The following CCDC33 variants were observed in gnomAD, a reference collection of about 807,000 sequenced individuals.
CCDC33 encodes coiled-coil domain-containing protein 33.
In CCDC33, 94 loss-of-function variants were observed where a neutral mutation model predicts 91.9. The ratio of observed to expected loss-of-function variants is 1.02; its 90% CI spans 0.87 to 1.21. CCDC33 has a LOEUF of 1.21. CCDC33 is among the 50% of genes most tolerant of loss of function. The pLI is 0.00. For synonymous variants in CCDC33, 396 were observed against 374.5 expected (o/e 1.06, Z -0.66); for missense variants, 940 against 935.5 (o/e 1.00, Z -0.06).
upstream of CCDC33, among the ~76,000 whole-genome samples, chr15:74,214,081 G>A (rs140090446): frequency 0.016 from 2,364 of 152,124 alleles, 60 homozygotes; most frequent in African/African-American, 0.054. Context: ...GGGAGTTGGA[G>A]GTGGATCGTT....
At chr15:74,254,310 C>T (rs1407781490) in intron 2 of CCDC33, among the ~76,000 whole-genome samples, 12 of 152,228 alleles carry the variant, frequency 7.9e-5, no homozygotes, top group Admixed American at 3.9e-4. Flanking sequence ...GGATTACAGG[C>T]GTGAGCCACT....
intron 11 of CCDC33, among the ~76,000 whole-genome samples, chr15:74,324,065 A>G (rs2060259275): frequency 7.2e-6 from 1 of 139,264 alleles, no homozygotes; most frequent in African/African-American, 2.7e-5. Context: ...ACTCCAGCCT[A>G]GGCAATAGAA....
upstream of CCDC33, among the ~76,000 whole-genome samples, chr15:74,216,146 A>G (rs1486547575): frequency 2.0e-5 from 3 of 152,122 alleles, no homozygotes; most frequent in Non-Finnish European, 4.4e-5. Flanking sequence ...TGAGTCACTA[A>G]GCTCCAAGAC....
chr15:74,270,952 G>GGC (rs2076298565), intron 5 of CCDC33, among the ~76,000 whole-genome samples: 5 of 152,184 alleles, frequency 3.3e-5, no homozygotes, highest in Non-Finnish European at 7.4e-5. Context: ...GGGGGTGACA[G>GGC]AGGACTGAGG....
intron 2 of CCDC33, among the ~76,000 whole-genome samples, chr15:74,223,769 A>G (rs797019950): frequency 0.028 from 1,348 of 48,362 alleles, 24 homozygotes; most frequent in African/African-American, 0.088. Flanking sequence ...CACACACGCA[A>G]GCATGCACAC....
At chr15:74,335,805 C>G in intron 18 of CCDC33, 120 bp from the exon 19 acceptor site, 2 of 767,884 alleles carry the variant, frequency 2.6e-6, no homozygotes, top group Non-Finnish European at 2.2e-6. Context: ...AAATCTTTGC[C>G]AGGTCATGGC....
intron 1 of CCDC33, chr15:74,209,154 G>C: frequency 7.7e-7 from 1 of 1,298,656 alleles, no homozygotes; most frequent in South Asian, 1.9e-5. Context: ...CTCCAGCTCA[G>C]GCACAGAGCA....
At position 74,218,814 on chromosome 15, in the gene CCDC33, C is replaced by G; in HGVS notation, c.628C>G (p.Pro210Ala). 1 of 1,279,562 alleles carries G rather than the reference C, an allele frequency of 7.8e-7. No homozygotes were observed. The highest frequency in any genetic ancestry group is 1.0e-6 in the Non-Finnish European group (1 of 983,256). The allele number at this position is 1,279,562 out of a possible 1,614,324, so 79.3% of individuals were successfully genotyped here. A position where few individuals can be genotyped will look rare whatever the true frequency, so the allele number is the denominator to read the frequency against. The stretch of plus-strand genomic sequence containing the variant: ...AGACAGCCCTCCCAGGGCTGGCCAG[C>G]CAGAACTGATGTCACCATGCCCAGA... The change falls in exon 2 of 3, where the codon CCA becomes GCA. Residue 210 changes from proline (P) to alanine (A), a missense_variant. Transcript: ENST00000635913. The surrounding 1 kb of genome is among the most constrained non-coding windows in gnomAD (Gnocchi z 4.8).
intron 2 of CCDC33, among the ~76,000 whole-genome samples, chr15:74,256,179 G>T (rs1040251744): frequency 6.6e-6 from 1 of 152,120 alleles, no homozygotes; most frequent in Non-Finnish European, 1.5e-5. Context: ...CCAGGAAGGC[G>T]GCCATCCAGG....
At chr15:74,254,093 T>C (rs1241142252) in intron 2 of CCDC33, among the ~76,000 whole-genome samples, 1 of 152,090 alleles carries the variant, frequency 6.6e-6, no homozygotes, top group African/African-American at 2.4e-5. Flanking sequence ...AGTGCAGTGG[T>C]GTGATCTCAG....
chr15:74,214,887 C>T (rs965227135), upstream of CCDC33, among the ~76,000 whole-genome samples: 2 of 152,238 alleles, frequency 1.3e-5, no homozygotes, highest in Admixed American at 6.5e-5. Context: ...ATTTCTTCAT[C>T]ACTTCATTCA....
chr15:74,328,915 C>A (rs186345815), intron 11 of CCDC33, among the ~76,000 whole-genome samples: 1 of 152,188 alleles, frequency 6.6e-6, no homozygotes, highest in Non-Finnish European at 1.5e-5. Flanking sequence ...GCTCAGCAAA[C>A]GCAGGAGCAA....
intron 16 of CCDC33, chr15:74,333,283 C>T (rs1357272085): frequency 6.2e-7 from 1 of 1,600,522 alleles, no homozygotes; most frequent in African/African-American, 1.3e-5. Context: ...AGACGCATGG[C>T]CCAGGCCACT....
intron 9 of CCDC33, among the ~76,000 whole-genome samples, chr15:74,281,450 A>G (rs75169223): frequency 6.6e-6 from 1 of 152,376 alleles, no homozygotes; most frequent in Non-Finnish European, 1.5e-5. Flanking sequence ...AACAAGAATG[A>G]ATAATATCGT....
chr15:74,295,635 C>A, intron 10 of CCDC33, 119 bp from the exon 11 acceptor site: 1 of 814,194 alleles, frequency 1.2e-6, no homozygotes, highest in Non-Finnish European at 1.9e-6. Flanking sequence ...CACGGGCCAG[C>A]CATGCAGGGC....
At chr15:74,234,446 C>G (rs573440604), upstream of CCDC33, among the ~76,000 whole-genome samples, 62 of 152,180 alleles carry the variant, frequency 4.1e-4, no homozygotes, top group Non-Finnish European at 8.1e-4. Context: ...GGTAGAGCAG[C>G]TGGGCTCATG....
At chr15:74,286,109 G>C (rs752410538) in intron 10 of CCDC33, among the ~76,000 whole-genome samples, 5 of 152,122 alleles carry the variant, frequency 3.3e-5, no homozygotes, top group African/African-American at 4.8e-5. Flanking sequence ...AGTTGGGTGT[G>C]GTGGTGGGTG....
At chr15:74,324,922 A>C in intron 11 of CCDC33, among the ~76,000 whole-genome samples, 1 of 123,228 alleles carries the variant, frequency 8.1e-6, no homozygotes, top group South Asian at 2.8e-4. Context: ...ATGCACCTCT[A>C]CCAAAAGGCC....
intron 7 of CCDC33, among the ~76,000 whole-genome samples, chr15:74,278,164 C>A (rs1328293225): frequency 6.6e-6 from 1 of 152,242 alleles, no homozygotes; most frequent in Non-Finnish European, 1.5e-5. Context: ...CCTAGCCCTG[C>A]AGTGACTGCA....
Sources: gnomAD v4.1 joint callset for allele counts (sites outside exome capture counted in the v4.1 genomes callset) on GRCh38, gnomAD v4.1.1 for gene constraint, Gnocchi (gnomAD v3.1) non-coding constraint, MANE v1.5 for transcripts, NCBI Gene and HGNC (gene_info 2026-07-23, HGNC 2026-07-21) for gene names.